Variants in ST14 observed in about 807,000 individuals in gnomAD.
The protein encoded by ST14 is suppressor of tumorigenicity 14 protein.
ST14 carries 40 observed loss-of-function variants against 96.5 expected under a neutral mutation model. That is an observed-to-expected ratio of 0.41 (90% CI 0.32 to 0.54). ST14 has a LOEUF of 0.54. ST14 is among the 20% of genes least tolerant of loss of function. The probability of loss-of-function intolerance (pLI) is 0.17; values close to 1 mark genes in which losing one functional copy is unlikely to be tolerated. For synonymous variants in ST14, 506 were observed against 492.1 expected (o/e 1.03, Z -0.37); for missense variants, 1,066 against 1,188.9 (o/e 0.90, Z 1.52).
intron 1 of ST14, among the ~76,000 whole-genome samples, chr11:130,166,359 A>G (rs1241198866): frequency 6.6e-6 from 1 of 152,058 alleles, no homozygotes; most frequent in Non-Finnish European, 1.5e-5. Flanking sequence ...CTGGGTGTGG[A>G]GCCCTGGGTG....
At chr11:130,172,267 AT>A (rs1435171357) in intron 1 of ST14, among the ~76,000 whole-genome samples, 2 of 151,516 alleles carry the variant, frequency 1.3e-5, no homozygotes, top group Non-Finnish European at 2.9e-5. Flanking sequence ...TGCTAAGCTA[AT>A]TTTTTTAAAA....
Position 130,208,390 on chromosome 11 carries a change from A to G in ST14, c.1995-20A>G. ...CAGACCCGAGTGACCGCGCAGTCTC[A>G]TAGCGGCTCTCCCTACCAGGTACTC... On this transcript the variant is annotated intron_variant, in intron 16 of 18. Coordinates refer to ENST00000278742, the MANE Select transcript of ST14 (RefSeq NM_021978.4). The G allele has an allele frequency of 6.2e-7, 1 of 1,613,838 alleles. No individual in the cohort carries two copies. Among genetic ancestry groups the G allele is most frequent in the Non-Finnish European group, 8.5e-7 (1 of 1,180,004 alleles).
At chr11:130,169,309 G>C (rs1222260051) in intron 1 of ST14, among the ~76,000 whole-genome samples, 1 of 152,080 alleles carries the variant, frequency 6.6e-6, no homozygotes, top group East Asian at 1.9e-4. Context: ...TGGCCAGACT[G>C]GTCTTGAAAT....
rs1266272517 is a variant in ST14, at chr11:130,160,018, G to C, written c.39G>C (p.Pro13=). The C allele has an allele frequency of 7.0e-7, 1 of 1,429,606 alleles. No individual in the cohort carries two copies. Among genetic ancestry groups the C allele is most frequent in the South Asian group, 1.5e-5 (1 of 68,894 alleles). 88.6% of individuals were successfully genotyped at this position (1,429,606 alleles called of 1,614,324 possible). ...SDRARKGGGG[P]KDFGAGLKYN... Reference sequence around the variant, plus strand: ...GGGCCCGCAAGGGCGGAGGGGGCCCGAAGGACTTCGGCGCGGGACTCAAGT... The same window carrying C: ...GGGCCCGCAAGGGCGGAGGGGGCCCCAAGGACTTCGGCGCGGGACTCAAGT... Residue 13 remains proline, a synonymous_variant, in exon 1 of 19, where the codon CCG becomes CCC. Coordinates refer to ENST00000278742, the MANE Select transcript of ST14 (RefSeq NM_021978.4).
chr11:130,169,559 CAG>C (rs1020872948), intron 1 of ST14, among the ~76,000 whole-genome samples: 8 of 152,112 alleles, frequency 5.3e-5, no homozygotes, highest in Non-Finnish European at 7.4e-5. Context: ...ATGCCAGAGA[CAG>C]GGGACTACGC....
intron 1 of ST14, among the ~76,000 whole-genome samples, chr11:130,176,701 A>T (rs1221443948): frequency 6.6e-6 from 1 of 150,430 alleles, no homozygotes; most frequent in Non-Finnish European, 1.5e-5. Context: ...TTTTCCTTAA[A>T]ATTCCTTGAG....
In ST14 at chr11:130,196,562, C is replaced by CA. The variant is rs779187925; in HGVS notation, c.1224-8_1224-7insA. The CA allele has an allele frequency of 1.7e-3, 2,815 of 1,611,282 alleles. 4 individuals carry two copies. The highest frequency in any genetic ancestry group is 2.2e-3 in the Non-Finnish European group (2,599 of 1,177,988). The stretch of plus-strand genomic sequence containing the variant: ...CCCTCCTCACCTTGTGCCCCGCCCC[C>CA]CCTCCAGATACTGCGGAGAGAGGTC... On this transcript the variant is annotated splice_region_variant and splice_polypyrimidine_tract_variant and intron_variant, in intron 10 of 18. Coordinates refer to ENST00000278742, the MANE Select transcript of ST14 (RefSeq NM_021978.4).
chr11:130,167,752 T>C (rs1953055039), intron 1 of ST14, among the ~76,000 whole-genome samples: 1 of 152,098 alleles, frequency 6.6e-6, no homozygotes, highest in South Asian at 2.1e-4. Flanking sequence ...TCTTGCTCTG[T>C]CGCCTAGGCT....
chr11:130,207,539 A>G (rs1953501371), intron 16 of ST14, among the ~76,000 whole-genome samples: 2 of 152,220 alleles, frequency 1.3e-5, no homozygotes, highest in South Asian at 4.1e-4. Flanking sequence ...TGACAGAGTG[A>G]GACTTCGTCT....
chr11:130,207,799 G>A (rs1443535988), intron 16 of ST14, among the ~76,000 whole-genome samples: 4 of 152,312 alleles, frequency 2.6e-5, no homozygotes, highest in Non-Finnish European at 5.9e-5. Flanking sequence ...TGGGCTGGGC[G>A]TGGTGGCTCA....
At chr11:130,205,391 G>T (rs1230986743) in intron 16 of ST14, among the ~76,000 whole-genome samples, 1 of 152,216 alleles carries the variant, frequency 6.6e-6, no homozygotes, top group East Asian at 1.9e-4. Context: ...GCCTCCCAAA[G>T]TGCTGGGATT....
Position 130,163,196 on chromosome 11 carries a change from G to A in ST14, c.81+3136G>A, listed in dbSNP as rs535684014. ...AGTGGGGCCCTGACCTCACAGAGGA[G>A]CCATCCTGCCCTGCCAAACACAGGG... On this transcript the variant is annotated intron_variant, in intron 1 of 18. Transcript: ENST00000278742. 5.6e-4 allele frequency among the ~76,000 whole-genome samples: 86 copies of A among 152,256 alleles called. 1 individual carries two copies. Among genetic ancestry groups the A allele is most frequent in the African/African-American group, 1.8e-3 (75 of 41,540 alleles).
At chr11:130,161,580 AC>A (rs1952999239) in intron 1 of ST14, among the ~76,000 whole-genome samples, 1 of 150,164 alleles carries the variant, frequency 6.7e-6, no homozygotes, top group South Asian at 2.1e-4. Flanking sequence ...CTCACCTTCC[AC>A]TCACCCCCAG....
At chr11:130,189,605 G>T (rs754037182) in intron 4 of ST14, 134 bp from the exon 5 acceptor site, 1 of 1,150,756 alleles carries the variant, frequency 8.7e-7, no homozygotes, top group South Asian at 1.4e-5. Flanking sequence ...GACACAAGAG[G>T]AGCTGGGGAA....
At chr11:130,201,357 C>T (rs1470505932) in intron 16 of ST14, among the ~76,000 whole-genome samples, 1 of 152,276 alleles carries the variant, frequency 6.6e-6, no homozygotes, top group African/African-American at 2.4e-5. Context: ...GCTGGCTGCA[C>T]GCTTTTCCAT....
rs1424399842 is a variant in ST14 at position 130,190,508 on chromosome 11, C to T, written c.689C>T (p.Thr230Met). The T allele has an allele frequency of 3.0e-5, 48 of 1,609,502 alleles. No individual in the cohort carries two copies. Among genetic ancestry groups the T allele is most frequent in the Non-Finnish European group, 3.6e-5 (42 of 1,179,856 alleles). Residue 230 changes from threonine (T) to methionine (M), a missense_variant, in exon 7 of 19, where the codon ACG (threonine) becomes ATG (methionine). Coordinates refer to ENST00000278742, the MANE Select transcript of ST14 (RefSeq NM_021978.4). Reference sequence around the variant, plus strand: ...GGTGTGGAGCTGATGCGCTTCACCACGCCCGGCTTCCCTGACAGCCCCTAC... The same window carrying T: ...GGTGTGGAGCTGATGCGCTTCACCATGCCCGGCTTCCCTGACAGCCCCTAC... The part of the protein sequence containing the change: ...ARGVELMRFT[T>M]PGFPDSPYPA...
intron 1 of ST14, among the ~76,000 whole-genome samples, chr11:130,176,534 G>A (rs368660218): frequency 9.9e-5 from 15 of 151,208 alleles, no homozygotes; most frequent in East Asian, 4.0e-4. Flanking sequence ...GACTACAGGT[G>A]CCCACCACCA....
In ST14 at chr11:130,209,763, A is replaced by G. The variant is rs1217677561; in HGVS notation, c.2508A>G (p.Pro836=). 1 of 1,614,044 alleles carries G rather than the reference A, an allele frequency of 6.2e-7. No individual in the cohort carries two copies. The highest frequency in any genetic ancestry group is 2.2e-5 in the East Asian group (1 of 44,878). The change falls in exon 19 of 19, where the codon CCA becomes CCG. Residue 836 remains proline, a synonymous_variant. Transcript: ENST00000278742. ...WGDGCAQRNK[P]GVYTRLPLFR... is the part of the protein sequence containing the mutation. ...ACGGCTGCGCTCAGAGGAACAAGCC[A>G]GGCGTGTACACAAGGCTCCCTCTGT...
chr11:130,202,235 C>T (rs946192541), intron 16 of ST14, among the ~76,000 whole-genome samples: 4 of 152,182 alleles, frequency 2.6e-5, no homozygotes, highest in South Asian at 2.1e-4. Context: ...TCTCCTTCAT[C>T]GTGTGTTGAT....
Sources: allele counts gnomAD v4.1 joint callset (sites outside exome capture counted in the v4.1 genomes callset), GRCh38; gene constraint gnomAD v4.1.1; transcripts MANE v1.5; gene names NCBI Gene and HGNC (gene_info 2026-07-23, HGNC 2026-07-21).